Variants in ZBTB4 observed in about 807,000 individuals in gnomAD.
The protein encoded by ZBTB4 is zinc finger and BTB domain containing 4, also known as zinc finger and BTB domain-containing protein 4.
Under a neutral mutation model 59.8 loss-of-function variants are expected in ZBTB4, and 14 were observed. The observed-to-expected ratio is 0.23, with a 90% CI of 0.15 to 0.37. ZBTB4 has a LOEUF of 0.37. ZBTB4 is among the 10% of genes least tolerant of loss of function. The pLI, the probability that ZBTB4 is intolerant of heterozygous loss-of-function variation, is 1.00. For missense variants in ZBTB4, 1,198 were observed against 1,380.8 expected (o/e 0.87, Z 2.10); for synonymous variants, 587 against 575.2 (o/e 1.02, Z -0.29).
chr17:7,463,890 C>T lies in ZBTB4; in HGVS notation c.1092G>A (p.Arg364=). 6.2e-7 allele frequency: 1 copy of T among 1,612,046 alleles called. No homozygotes were observed. Among genetic ancestry groups the T allele is most frequent in the African/African-American group, 1.3e-5 (1 of 75,030 alleles). Residue 364 remains arginine (R), a splice_region_variant and synonymous_variant, in exon 4 of 4, where the codon AGG becomes AGA. Coordinates refer to ENST00000380599, the MANE Select transcript of ZBTB4 (RefSeq NM_001128833.2). Reference sequence around the variant, plus strand: ...TCTCCCAACAGAAGATGCACTGGTACCTGGGTCAGGACAGCAGGGAATAGG... The same window carrying T: ...TCTCCCAACAGAAGATGCACTGGTATCTGGGTCAGGACAGCAGGGAATAGG... ...KHEVWHTGER[R]YQCIFCWETF...
chr17:7,480,736 C>A (rs116775779), upstream of ZBTB4, among the ~76,000 whole-genome samples: 4,739 of 151,330 alleles, frequency 0.031, 241 homozygotes, highest in African/African-American at 0.11. Context: ...AAAACAACAA[C>A]AAAAAAACCT....
upstream of ZBTB4, chr17:7,483,093 G>T (rs2070369056): frequency 9.6e-6 from 15 of 1,570,096 alleles, no homozygotes; most frequent in Non-Finnish European, 1.0e-5. Context: ...GACTGGAAAA[G>T]AACTGGTGTG....
rs1220995809 is a variant in ZBTB4, at chr17:7,466,177, GC to G, written c.624del (p.Arg208SerfsTer93). 1 of 1,613,172 alleles carries G rather than the reference GC, an allele frequency of 6.2e-7. No homozygotes were observed. The highest frequency in any genetic ancestry group is 8.5e-7 in the Non-Finnish European group (1 of 1,179,872). The stretch of plus-strand genomic sequence containing the variant: ...CTGTCACCCTCCCACTCCCCAGCTG[GC>G]CTGGGCCCGGGCCCAAAGCTGTCCT... ...PEEDSFGPGP[R>X]PAGEWEGDRA... On this transcript the variant is annotated frameshift_variant, in exon 3 of 4. Transcript: ENST00000380599. LOFTEE classifies it high-confidence loss of function. This position sits in a 1 kb window ranked among gnomAD's most constrained non-coding sequence, Gnocchi z 9.1.
chr17:7,468,383 C>A (rs199958444), intron 1 of ZBTB4, among the ~76,000 whole-genome samples: 32 of 151,872 alleles, frequency 2.1e-4, no homozygotes, highest in East Asian at 1.9e-3. Context: ...CAAAAAAAAA[C>A]CCCCCAAAAA....
At chr17:7,473,102 G>A (rs1250832151) in intron 1 of ZBTB4, among the ~76,000 whole-genome samples, 3 of 123,984 alleles carry the variant, frequency 2.4e-5, no homozygotes, top group Non-Finnish European at 4.8e-5. Flanking sequence ...CTATAGGCGC[G>A]CGCCACCATT....
At chr17:7,481,638 T>C (rs1031097787), upstream of ZBTB4, 2 of 718,776 alleles carry the variant, frequency 2.8e-6, no homozygotes, top group Non-Finnish European at 4.4e-6. Flanking sequence ...TTCATAATGG[T>C]GTACCCAGAT....
chr17:7,474,465 G>A (rs1033562985), intron 1 of ZBTB4, among the ~76,000 whole-genome samples: 5 of 152,026 alleles, frequency 3.3e-5, no homozygotes, highest in Non-Finnish European at 7.4e-5. Context: ...GCAATTCACC[G>A]CCTTGGACAC....
At chr17:7,480,322 C>T (rs530603422), upstream of ZBTB4, among the ~76,000 whole-genome samples, 14 of 152,324 alleles carry the variant, frequency 9.2e-5, no homozygotes, top group South Asian at 2.1e-3. Context: ...AGAAAAAACA[C>T]ATTCCTGAAA....
intron 1 of ZBTB4, among the ~76,000 whole-genome samples, chr17:7,478,237 A>C (rs1422895563): frequency 6.6e-6 from 1 of 152,126 alleles, no homozygotes; most frequent in Non-Finnish European, 1.5e-5. Context: ...AGAATGTTGC[A>C]AACACACAAC....
At chr17:7,482,605 T>A, upstream of ZBTB4, 1 of 1,612,114 alleles carries the variant, frequency 6.2e-7, no homozygotes, top group Non-Finnish European at 8.5e-7. Context: ...CCCTGGGGCT[T>A]CTGGTCTATC....
chr17:7,477,121 CG>C (rs1382645254), intron 1 of ZBTB4, among the ~76,000 whole-genome samples: 1 of 152,170 alleles, frequency 6.6e-6, no homozygotes, highest in African/African-American at 2.4e-5. Flanking sequence ...GGCTGGTGCA[CG>C]GTCAGTGCTA....
intron 1 of ZBTB4, among the ~76,000 whole-genome samples, chr17:7,473,750 T>G (rs143570694): frequency 6.6e-6 from 1 of 152,068 alleles, no homozygotes; most frequent in Non-Finnish European, 1.5e-5. Context: ...GGTTTCACCA[T>G]GTTCCCCAGG....
chr17:7,467,333 G>A lies in ZBTB4; in HGVS notation c.-80-6C>T. 1.2e-6 allele frequency: 1 copy of A among 858,194 alleles called. No homozygotes were observed. The highest frequency in any genetic ancestry group is 1.8e-5 in the African/African-American group (1 of 54,648). 53.2% of individuals were successfully genotyped at this position (858,194 alleles called of 1,614,324 possible). A position where few individuals can be genotyped will look rare whatever the true frequency, so the allele number is the denominator to read the frequency against. ...TTCTGCTGGGCCTCTTCCTTCTGCGGAGAAACAGAAATTATGTCAGGGGAA... is the reference window on the plus strand; with the variant it reads ...TTCTGCTGGGCCTCTTCCTTCTGCGAAGAAACAGAAATTATGTCAGGGGAA... On this transcript the variant is annotated splice_polypyrimidine_tract_variant and splice_region_variant and intron_variant, in intron 1 of 3. Coordinates refer to ENST00000380599, the MANE Select transcript of ZBTB4 (RefSeq NM_001128833.2).
rs757421638 is a variant in ZBTB4, at chr17:7,463,806, C to T, written c.1176G>A (p.Pro392=). Residue 392 remains proline, a synonymous_variant, in exon 4 of 4, where the codon CCG becomes CCA. Transcript: ENST00000380599. The part of the protein sequence containing the change: ...THQRAFHGIS[P]GLLASEKTPN... Reference sequence around the variant, plus strand: ...GTGTCTTCTCACTGGCAAGGAGGCCCGGGCTAATGCCGTGGAAGGCTCGCT... The same window carrying T: ...GTGTCTTCTCACTGGCAAGGAGGCCTGGGCTAATGCCGTGGAAGGCTCGCT... 1.8e-5 allele frequency: 29 copies of T among 1,614,018 alleles called. No homozygotes were observed. The East Asian group carries it at 4.9e-4, about 27-fold the overall frequency.
At position 7,463,411 on chromosome 17, in the gene ZBTB4, G is replaced by T; in HGVS notation, c.1571C>A (p.Pro524His). Residue 524 changes from proline (P) to histidine (H), a missense_variant, in exon 4 of 4, where the codon CCT becomes CAT. This residue lies in a region of ZBTB4 where 550 missense variants were observed against 541.8 expected (regional missense o/e 1.02). Coordinates refer to ENST00000380599, the MANE Select transcript of ZBTB4 (RefSeq NM_001128833.2). ...PRPPKKREYPPPPPEPAATPT... is the reference protein window; with the variant it reads ...PRPPKKREYPHPPPEPAATPT... ...TGTGGCTGCAGGCTCAGGGGGAGGA[G>T]GTGGGTATTCTCGTTTCTTGGGTGG... The T allele has an allele frequency of 6.3e-7, 1 of 1,579,408 alleles. No homozygotes were observed. The highest frequency in any genetic ancestry group is 8.6e-7 in the Non-Finnish European group (1 of 1,163,314).
upstream of ZBTB4, chr17:7,482,600 G>A: frequency 6.2e-7 from 1 of 1,612,106 alleles, no homozygotes. Context: ...GCTGTCCCTG[G>A]GGCTTCTGGT....
upstream of ZBTB4, chr17:7,483,200 G>A (rs1241271333): frequency 9.6e-7 from 1 of 1,038,202 alleles, no homozygotes; most frequent in Non-Finnish European, 1.4e-6. Flanking sequence ...AAGGGATGTG[G>A]AGACCAGGCT....
intron 3 of ZBTB4, among the ~76,000 whole-genome samples, chr17:7,464,397 G>A (rs1478408386): frequency 7.3e-6 from 1 of 137,454 alleles, no homozygotes; most frequent in Admixed American, 7.9e-5. Flanking sequence ...CTGCACTCCC[G>A]CCTGGGCGAC....
rs760160926 is a variant in ZBTB4 at position 7,462,594 on chromosome 17, T to C, written c.2388A>G (p.Pro796=). ...RHAAERPGGT[P]TPVIAYSKGS... ...CCTTGGAATAGGCAATGACAGGGGT[T>C]GGGGTGCCCCCGGGCCGCTCAGCAG... The change falls in exon 4 of 4, where the codon CCA becomes CCG. Residue 796 remains proline, a synonymous_variant. Transcript: ENST00000380599. The surrounding 1 kb of genome is among the most constrained non-coding windows in gnomAD (Gnocchi z 7.5). The C allele has an allele frequency of 1.9e-6, 3 of 1,612,292 alleles. No homozygotes were observed. Among genetic ancestry groups the C allele is most frequent in the South Asian group, 2.2e-5 (2 of 90,902 alleles).
Sources: gnomAD v4.1 joint callset for allele counts (sites outside exome capture counted in the v4.1 genomes callset) on GRCh38, gnomAD v4.1.1 for gene constraint, gnomAD v4.1.1 regional missense constraint, Gnocchi (gnomAD v3.1) non-coding constraint, MANE v1.5 for transcripts, NCBI Gene and HGNC (gene_info 2026-07-23, HGNC 2026-07-21) for gene names.